The following AFDN variants were observed in gnomAD, a reference collection of about 807,000 sequenced individuals.
AFDN encodes the protein afadin, adherens junction formation factor, also known as afadin.
AFDN carries 68 observed loss-of-function variants against 216.6 expected under a neutral mutation model. The observed-to-expected ratio is 0.31, with a 90% confidence interval of 0.26 to 0.38. The LOEUF is 0.38. Ranked by LOEUF, AFDN falls within the 10% of genes least tolerant of loss-of-function variation. The pLI is 1.00. For synonymous variants in AFDN, 868 were observed against 853.7 expected (o/e 1.02, Z -0.29); for missense variants, 2,136 against 2,342.0 (o/e 0.91, Z 1.82).
At chr6:167,964,614 CTGTGTGTGTGTGTG>C (rs369928994) in intron 31 of AFDN, 318 of 960,102 alleles carry the variant, frequency 3.3e-4, no homozygotes, top group Middle Eastern at 2.3e-3. Context: ...CGTATTCACT[CTGTGTGTGTGTGTG>C]TGTGTGTGTG....
At chr6:167,968,906 C>A in intron 32 of AFDN, 1 of 533,992 alleles carries the variant, frequency 1.9e-6, no homozygotes, top group Admixed American at 3.1e-5. Flanking sequence ...CATTTTAGCA[C>A]CTTTTGAGAG....
chr6:167,836,557 C>CA (rs1445912754), intron 1 of AFDN, among the ~76,000 whole-genome samples: 1 of 152,052 alleles, frequency 6.6e-6, no homozygotes, highest in South Asian at 2.1e-4. Context: ...GTAGTAAAAA[C>CA]AAAATGTCAG....
intron 1 of AFDN, among the ~76,000 whole-genome samples, chr6:167,862,819 T>C (rs1036174677): frequency 3.3e-5 from 5 of 152,240 alleles, no homozygotes; most frequent in Admixed American, 2.6e-4. Context: ...CTCCTACTCA[T>C]GTAGCTCCCA....
intron 9 of AFDN, among the ~76,000 whole-genome samples, chr6:167,894,819 C>T (rs1412621148): frequency 2.6e-5 from 4 of 152,154 alleles, no homozygotes; most frequent in Admixed American, 6.5e-5. Context: ...TCTTTATTGT[C>T]TCATAAGAGA....
In AFDN at chr6:167,964,636, G is replaced by GTA. The variant is rs1230436294; in HGVS notation, c.4969-1120_4969-1119insAT. 1.5e-5 allele frequency: 16 copies of GTA among 1,062,618 alleles called. No individual in the cohort carries two copies. The African/African-American group carries it at 2.5e-4, about 16-fold the overall frequency. The allele number at this position is 1,062,618 out of a possible 1,614,324, so 65.8% of individuals were successfully genotyped here. The stretch of plus-strand genomic sequence containing the variant: ...ACTCTGTGTGTGTGTGTGTGTGTGT[G>GTA]TGTGTGTGTGTGTGTGTGTGTGTGT... On this transcript the variant is annotated intron_variant, in intron 31 of 33. Coordinates refer to ENST00000683244, the MANE Select transcript of AFDN (RefSeq NM_001386888.1).
intron 31 of AFDN, chr6:167,964,388 G>C: frequency 9.4e-7 from 1 of 1,064,524 alleles, no homozygotes; most frequent in Non-Finnish European, 1.1e-6. Context: ...TAAGATTCTT[G>C]ATAGTTCCAT....
At position 167,962,615 on chromosome 6, in the gene AFDN, C is replaced by T. The variant is rs1797153246; in HGVS notation, c.4968+48C>T. 6 of 1,611,862 alleles carry T rather than the reference C, an allele frequency of 3.7e-6. No individual in the cohort carries two copies. The highest frequency in any genetic ancestry group is 3.3e-5 in the South Asian group (3 of 91,028). On this transcript the variant is annotated intron_variant, in intron 31 of 33. Transcript: ENST00000683244. The surrounding 1 kb of genome is among the most constrained non-coding windows in gnomAD (Gnocchi z 5.2). ...TAGAATTTTACCAAGTTAGCCTGAA[C>T]GTAATCGATTGGCTGGGGCAGAGCG... is the stretch of plus-strand genomic sequence containing the variant.
chr6:167,917,780 CAA>C (rs1418807475), intron 20 of AFDN, among the ~76,000 whole-genome samples: 2 of 152,174 alleles, frequency 1.3e-5, no homozygotes, highest in Non-Finnish European at 2.9e-5. Flanking sequence ...TTTATGCTAA[CAA>C]GACATGCACA....
At position 167,907,190 on chromosome 6, in the gene AFDN, G is replaced by A; in HGVS notation, c.1670G>A (p.Ser557Asn). 6.2e-7 allele frequency: 1 copy of A among 1,614,138 alleles called. No individual in the cohort carries two copies. Among genetic ancestry groups the A allele is most frequent in the Non-Finnish European group, 8.5e-7 (1 of 1,179,980 alleles). The change falls in exon 13 of 34, where the codon AGC becomes AAC. Residue 557 changes from serine (S) to asparagine (N), a missense_variant. This residue lies in a region of AFDN where 817 missense variants were observed against 965.7 expected (regional missense o/e 0.85). Coordinates refer to ENST00000683244, the MANE Select transcript of AFDN (RefSeq NM_001386888.1). The stretch of plus-strand genomic sequence containing the variant: ...ATGTAGAGCACCACTAGGCTGGACA[G>A]CGACAGAGTGTCGTCTGCCTCTAGC... ...PTSKSTTRLD[S>N]DRVSSASSTA...
chr6:167,855,481 A>T (rs1160023331), intron 1 of AFDN, among the ~76,000 whole-genome samples: 1 of 152,172 alleles, frequency 6.6e-6, no homozygotes. Flanking sequence ...TGCATTACTG[A>T]CCAAAAGTTA....
chr6:167,850,995 G>GGCGATTCTCCTGCCTCCTGCATTCAA (rs1360234784), intron 1 of AFDN, among the ~76,000 whole-genome samples: 1 of 151,952 alleles, frequency 6.6e-6, no homozygotes, highest in South Asian at 2.1e-4. Flanking sequence ...CCTGCATTCA[G>GGCGATTCTCCTGCCTCCTGCATTCAA]GCGATTCTCC....
At chr6:167,939,741 A>T (rs1376493978) in intron 23 of AFDN, among the ~76,000 whole-genome samples, 1 of 152,204 alleles carries the variant, frequency 6.6e-6, no homozygotes, top group Non-Finnish European at 1.5e-5. Context: ...TAATTAGATT[A>T]TGTATGAGGG....
chr6:167,891,504 A>G (rs1484557105), intron 8 of AFDN, among the ~76,000 whole-genome samples: 1 of 151,270 alleles, frequency 6.6e-6, no homozygotes, highest in African/African-American at 2.4e-5. Flanking sequence ...TTTAAATTTT[A>G]TATCTAAGAA....
chr6:167,880,274 T>C, intron 5 of AFDN, 86 bp from the exon 6 acceptor site: 1 of 1,294,694 alleles, frequency 7.7e-7, no homozygotes, highest in Admixed American at 2.0e-5. Flanking sequence ...TGCAGGTACC[T>C]TTTTCTCAAG....
At chr6:167,908,134 G>A (rs569090747) in intron 13 of AFDN, among the ~76,000 whole-genome samples, 1 of 152,308 alleles carries the variant, frequency 6.6e-6, no homozygotes, top group East Asian at 1.9e-4. Context: ...ATAGATTTTT[G>A]AAGAGGCCAT....
chr6:167,848,966 G>GATGAGACGC (rs1299997707), intron 1 of AFDN, among the ~76,000 whole-genome samples: 1 of 152,140 alleles, frequency 6.6e-6, no homozygotes, highest in Admixed American at 6.5e-5. Context: ...TATACAGCAG[G>GATGAGACGC]ATGAGACGCA....
At chr6:167,959,612 AAAAGT>A (rs1443221160) in intron 30 of AFDN, among the ~76,000 whole-genome samples, 1 of 152,196 alleles carries the variant, frequency 6.6e-6, no homozygotes. Flanking sequence ...TAATTTGTCA[AAAAGT>A]AAAGGGTATT....
chr6:167,959,178 T>C (rs1420363681), intron 30 of AFDN, among the ~76,000 whole-genome samples: 1 of 152,238 alleles, frequency 6.6e-6, no homozygotes, highest in Non-Finnish European at 1.5e-5. Flanking sequence ...TTTCACCAGC[T>C]AAGCTCTAGA....
intron 1 of AFDN, among the ~76,000 whole-genome samples, chr6:167,845,469 C>T (rs1781561409): frequency 1.3e-5 from 2 of 152,024 alleles, no homozygotes; most frequent in African/African-American, 4.8e-5. Context: ...GCGATCTTGG[C>T]TCACTGGCAC....
Sources: allele counts gnomAD v4.1 joint callset (sites outside exome capture counted in the v4.1 genomes callset), GRCh38; gene constraint gnomAD v4.1.1; regional missense constraint gnomAD v4.1.1; non-coding constraint Gnocchi (gnomAD v3.1); transcripts MANE v1.5; gene names NCBI Gene and HGNC (gene_info 2026-07-23, HGNC 2026-07-21).